The following SOX5 variants were observed in gnomAD, a reference collection of about 807,000 sequenced individuals.
The protein encoded by SOX5 is SRY-box transcription factor 5, also known as transcription factor SOX-5.
A neutral mutation model predicts 92.0 loss-of-function variants in SOX5; 9 were observed. That is an observed-to-expected ratio of 0.10 (90% CI 0.06 to 0.17). The LOEUF is 0.17. Among genes scored for constraint, SOX5 ranks in the 10% least tolerant of loss-of-function variants. The pLI is 1.00. For synonymous variants in SOX5, 344 were observed against 336.3 expected (o/e 1.02, Z -0.25); for missense variants, 642 against 944.5 (o/e 0.68, Z 4.20).
chr12:24,096,321 C>G (rs556781753), intron 4 of SOX5, among the ~76,000 whole-genome samples: 7 of 152,234 alleles, frequency 4.6e-5, no homozygotes, highest in Admixed American at 2.6e-4. Context: ...ATAGAATGTA[C>G]AGTGTTAACT....
chr12:23,999,166 G>GTGTT, intron 4 of SOX5, among the ~76,000 whole-genome samples: 1 of 150,908 alleles, frequency 6.6e-6, no homozygotes, highest in South Asian at 2.1e-4. Context: ...GTGTGTGTGT[G>GTGTT]TGTGTGTGTG....
chr12:23,570,966 TA>T (rs1948250992), intron 10 of SOX5, among the ~76,000 whole-genome samples: 3 of 92,354 alleles, frequency 3.2e-5, no homozygotes, highest in Admixed American at 1.2e-4. Context: ...TATATATATA[TA>T]TATATATATA....
rs953783185 is a variant in SOX5, at chr12:24,111,791, T to G, written c.-2+101552A>C. Among the ~76,000 whole-genome samples, 4 of 152,194 alleles carry G rather than the reference T, an allele frequency of 2.6e-5. No homozygotes were observed. In the South Asian group the frequency reaches 8.3e-4, roughly 31 times the overall value. On this transcript the variant is annotated intron_variant, in intron 4 of 4. Transcript: ENST00000446891. ...ATGACTCATGAGGCCCTCAAAAACT[T>G]TCCGTTTCCTTTACTATTCACAACT...
In SOX5 at chr12:24,098,244, A is replaced by C. The variant is rs186288540; in HGVS notation, c.-2+115099T>G. Among the ~76,000 whole-genome samples the C allele has an allele frequency of 3.7e-3, 566 of 152,280 alleles. 3 individuals are homozygous for C. The highest frequency in any genetic ancestry group is 7.1e-3 in the Admixed American group (109 of 15,286). On this transcript the variant is annotated intron_variant, in intron 4 of 4. Transcript: ENST00000446891. ...ATCAATACACACATCCTTATTAACC[A>C]CTTAGGTCTATAAACAACCTTTAAT... is the stretch of plus-strand genomic sequence containing the variant.
At chr12:23,872,164 A>ATTTTTTTTTT (rs71059938) in intron 2 of SOX5, among the ~76,000 whole-genome samples, 18 of 61,648 alleles carry the variant, frequency 2.9e-4, no homozygotes, top group African/African-American at 8.6e-4. Context: ...CGCCCGGCTA[A>ATTTTTTTTTT]TTTTTTTTTT....
At chr12:23,534,913 T>A (rs1342435053) in intron 14 of SOX5, among the ~76,000 whole-genome samples, 2 of 152,100 alleles carry the variant, frequency 1.3e-5, no homozygotes, top group African/African-American at 2.4e-5. Context: ...TTTCACCATG[T>A]TGGCCAGGCT....
chr12:24,417,808 C>T (rs559876310), intron 1 of SOX5, among the ~76,000 whole-genome samples: 1 of 152,242 alleles, frequency 6.6e-6, no homozygotes, highest in South Asian at 2.1e-4. Flanking sequence ...AGCCAGGACA[C>T]TCTCTGACCT....
intron 4 of SOX5, among the ~76,000 whole-genome samples, chr12:23,755,018 T>C (rs982086511): frequency 3.3e-5 from 5 of 151,854 alleles, no homozygotes; most frequent in African/African-American, 1.2e-4. Context: ...GAAAACATAC[T>C]TTTAAATTAA....
intron 4 of SOX5, among the ~76,000 whole-genome samples, chr12:24,059,055 G>A (rs1175173751): frequency 6.6e-6 from 1 of 151,656 alleles, no homozygotes; most frequent in Non-Finnish European, 1.5e-5. Flanking sequence ...AACATTTCAG[G>A]GGTTTAAAAT....
intron 4 of SOX5, among the ~76,000 whole-genome samples, chr12:24,134,571 G>A (rs368510567): frequency 1.3e-5 from 2 of 152,146 alleles, no homozygotes; most frequent in East Asian, 3.9e-4. Context: ...ACAAAACCAG[G>A]CTTCTGATCC....
intron 6 of SOX5, among the ~76,000 whole-genome samples, chr12:23,708,361 G>A (rs1385155133): frequency 6.6e-6 from 1 of 151,552 alleles, no homozygotes; most frequent in Admixed American, 6.6e-5. Context: ...TGAAAAGTGT[G>A]GAGAACAGAA....
chr12:23,641,832 G>C (rs991177315), intron 7 of SOX5, among the ~76,000 whole-genome samples: 6 of 152,122 alleles, frequency 3.9e-5, no homozygotes, highest in Non-Finnish European at 7.4e-5. Flanking sequence ...ACATTTTGTA[G>C]AAATCTAATT....
At chr12:24,319,499 A>G (rs1438746686) in intron 2 of SOX5, among the ~76,000 whole-genome samples, 2 of 152,014 alleles carry the variant, frequency 1.3e-5, no homozygotes, top group Admixed American at 1.3e-4. Context: ...TATTGATACT[A>G]CCCCCTAACT....
chr12:23,764,700 G>A (rs989538474), intron 3 of SOX5, among the ~76,000 whole-genome samples: 1 of 152,064 alleles, frequency 6.6e-6, no homozygotes. Context: ...TTTTGTTATT[G>A]TTATTCAAAA....
chr12:24,422,684 C>G (rs995147048), intron 1 of SOX5, among the ~76,000 whole-genome samples: 2 of 152,116 alleles, frequency 1.3e-5, no homozygotes, highest in African/African-American at 4.8e-5. Context: ...TGAGGCCAAC[C>G]AAATTAGTTG....
intron 2 of SOX5, among the ~76,000 whole-genome samples, chr12:24,345,023 A>G (rs1295011299): frequency 1.3e-5 from 2 of 152,178 alleles, no homozygotes; most frequent in Non-Finnish European, 1.5e-5. Flanking sequence ...ATAGCCAAGG[A>G]AAGTTCTTCC....
At chr12:24,502,605 A>G (rs779960165) in intron 1 of SOX5, among the ~76,000 whole-genome samples, 1 of 152,190 alleles carries the variant, frequency 6.6e-6, no homozygotes, top group Non-Finnish European at 1.5e-5. Context: ...GAATGCTACC[A>G]TAATAATTAC....
intron 4 of SOX5, among the ~76,000 whole-genome samples, chr12:24,187,624 C>T (rs1391923425): frequency 2.6e-5 from 4 of 152,112 alleles, no homozygotes; most frequent in Non-Finnish European, 5.9e-5. Context: ...TTCTCACTAT[C>T]TACAGGACAA....
At chr12:24,054,366 A>T (rs1229888206) in intron 4 of SOX5, among the ~76,000 whole-genome samples, 1 of 152,176 alleles carries the variant, frequency 6.6e-6, no homozygotes, top group Non-Finnish European at 1.5e-5. Context: ...TTATCACTAA[A>T]GATCTAGCTA....
Sources: allele counts gnomAD v4.1 joint callset (sites outside exome capture counted in the v4.1 genomes callset), GRCh38; gene constraint gnomAD v4.1.1; transcripts MANE v1.5; gene names NCBI Gene and HGNC (gene_info 2026-07-23, HGNC 2026-07-21).